IMPDH2: variants seen among roughly 807,000 people sequenced by gnomAD.
IMPDH2 encodes the protein inosine-5'-monophosphate dehydrogenase 2.
In IMPDH2, 33 loss-of-function variants were observed where a neutral mutation model predicts 57.8. The observed-to-expected ratio is 0.57, with a 90% CI of 0.43 to 0.76. IMPDH2 has a LOEUF of 0.76. Among genes scored for constraint, IMPDH2 ranks in the 30% least tolerant of loss-of-function variants. The pLI is 0.00. For synonymous variants in IMPDH2, 270 were observed against 241.3 expected, an observed-to-expected ratio of 1.12 and a Z score of -1.10; for missense variants, 446 against 659.1, an observed-to-expected ratio of 0.68 and a Z score of 3.54.
At position 49,026,646 on chromosome 3, in the gene IMPDH2, A is replaced by C. The variant is rs761501634; in HGVS notation, c.820-37T>G. 10 of 1,611,988 alleles carry C rather than the reference A, an allele frequency of 6.2e-6. No individual in the cohort carries two copies. The South Asian group carries it at 9.9e-5, about 16-fold the overall frequency. On this transcript the variant is annotated intron_variant, in intron 7 of 13. Coordinates refer to ENST00000326739, the MANE Select transcript of IMPDH2 (RefSeq NM_000884.3). ...AGTAAGTCTCAGACTGTGATGTGGC[A>C]GCTGCCCCTATTGCCCCAACCCACC... is the stretch of plus-strand genomic sequence containing the variant.
chr3:49,027,956 C>T (rs1281400213), intron 4 of IMPDH2, 40 bp from the exon 5 acceptor site: 3 of 1,449,016 alleles, frequency 2.1e-6, no homozygotes, highest in Non-Finnish European at 2.9e-6. Context: ...CATCTTTGAA[C>T]TACTTTCATC....
At chr3:49,026,923 C>G (rs1272648756) in intron 6 of IMPDH2, 37 bp from the exon 7 acceptor site, 1 of 1,613,224 alleles carries the variant, frequency 6.2e-7, no homozygotes, top group Non-Finnish European at 8.5e-7. Flanking sequence ...GGACCCTAGG[C>G]ATTAGTTCCA....
Position 49,025,182 on chromosome 3 carries a change from C to T in IMPDH2, c.1094G>A (p.Gly365Glu). Residue 365 changes from glycine to glutamate, a missense_variant, in exon 10 of 14, where the codon GGA becomes GAA. Physicochemically the swap from Gly to Glu is moderately conservative, Grantham distance 98. Coordinates refer to ENST00000326739, the MANE Select transcript of IMPDH2 (RefSeq NM_000884.3). ...RRFGVPVIAD[G>E]GIQNVGHIAK... ...AATATGACCCACATTTTGGATTCCT[C>T]CATCAGCAATGACCGGAACACCAAA... The T allele has an allele frequency of 2.5e-6, 4 of 1,614,246 alleles. No homozygotes were observed. Among genetic ancestry groups the T allele is most frequent in the Non-Finnish European group, 2.5e-6 (3 of 1,180,046 alleles).
At chr3:49,025,466 A>AC (rs2093194315) in intron 9 of IMPDH2, 197 bp from the exon 10 acceptor site, 2 of 610,726 alleles carry the variant, frequency 3.3e-6, no homozygotes, top group Non-Finnish European at 5.8e-6. Flanking sequence ...ACCTCTACTC[A>AC]CCCCCACATG....
In IMPDH2 at chr3:49,028,839, C is replaced by A. The variant is rs750206525; in HGVS notation, c.99-33G>T. The A allele has an allele frequency of 7.6e-6, 12 of 1,587,474 alleles. No homozygotes were observed. In the African/African-American group the frequency reaches 9.4e-5, roughly 12 times the overall value. On this transcript the variant is annotated intron_variant, in intron 1 of 13. Coordinates refer to ENST00000326739, the MANE Select transcript of IMPDH2 (RefSeq NM_000884.3). ...GGAAGGGAGTGAATTGGGAGTAAAG[C>A]TCTCAGCTTAGGGCAGCATGAGACT... is the stretch of plus-strand genomic sequence containing the variant.
rs2093192858 is a variant in IMPDH2 at position 49,025,181 on chromosome 3, T to G, written c.1095A>C (p.Gly365=). ...CAATATGACCCACATTTTGGATTCC[T>G]CCATCAGCAATGACCGGAACACCAA... ...RRFGVPVIAD[G]GIQNVGHIAK... The change falls in exon 10 of 14, where the codon GGA becomes GGC. Residue 365 remains glycine, a synonymous_variant. Transcript: ENST00000326739. 1 of 1,614,194 alleles carries G rather than the reference T, an allele frequency of 6.2e-7. No individual in the cohort carries two copies. Among genetic ancestry groups the G allele is most frequent in the Non-Finnish European group, 8.5e-7 (1 of 1,180,024 alleles).
At position 49,029,261 on chromosome 3, in the gene IMPDH2, G is replaced by A; in HGVS notation, c.90C>T (p.Leu30=). ...GCCCCATAGGCCCGCACTTGTAGGT[G>A]AGGCCGTCTCCGCAGTTGAAGAGCT... is the stretch of plus-strand genomic sequence containing the variant. ...AQQLFNCGDG[L]TYNDFLILPG... Residue 30 remains leucine (L), a synonymous_variant, in exon 1 of 14, where the codon CTC becomes CTT. Coordinates refer to ENST00000326739, the MANE Select transcript of IMPDH2 (RefSeq NM_000884.3). The A allele has an allele frequency of 2.5e-6, 4 of 1,603,182 alleles. No homozygotes were observed. Among genetic ancestry groups the A allele is most frequent in the South Asian group, 2.2e-5 (2 of 89,374 alleles).
Position 49,024,375 on chromosome 3 carries a change from A to T in IMPDH2, c.*8T>A. 1 of 1,613,962 alleles carries T rather than the reference A, an allele frequency of 6.2e-7. No individual in the cohort carries two copies. The highest frequency in any genetic ancestry group is 1.1e-5 in the South Asian group (1 of 91,072). On this transcript the variant is annotated 3_prime_UTR_variant, in exon 14 of 14. Coordinates refer to ENST00000326739, the MANE Select transcript of IMPDH2 (RefSeq NM_000884.3). Reference sequence around the variant, plus strand: ...AAAAAAAACCGAGGAGGTGTGCTGGATCCCTTTTCAGAAAAGCCGCTTCTC... The same window carrying T: ...AAAAAAAACCGAGGAGGTGTGCTGGTTCCCTTTTCAGAAAAGCCGCTTCTC...
chr3:49,028,833 G>C, intron 1 of IMPDH2, 27 bp from the exon 2 acceptor site: 1 of 1,600,678 alleles, frequency 6.2e-7, no homozygotes, highest in African/African-American at 1.3e-5. Flanking sequence ...TGAATTGGGA[G>C]TAAAGCTCTC....
chr3:49,026,746 C>T lies in IMPDH2; in HGVS notation c.760G>A (p.Glu254Lys). The change falls in exon 7 of 14, where the codon GAG becomes AAG. Residue 254 changes from glutamate to lysine, a missense_variant. By Grantham distance (56) the Glu-to-Lys change is moderately conservative (BLOSUM62 1). Coordinates refer to ENST00000326739, the MANE Select transcript of IMPDH2 (RefSeq NM_000884.3). ...LLCGAAIGTH[E>K]DDKYRLDLLA... ...AAGTCCAGCCTATACTTGTCATCCTCATGAGTGCCAATGGCTGCCCCACAC... is the reference window on the plus strand; with the variant it reads ...AAGTCCAGCCTATACTTGTCATCCTTATGAGTGCCAATGGCTGCCCCACAC... The T allele has an allele frequency of 6.2e-7, 1 of 1,614,256 alleles. No individual in the cohort carries two copies. The highest frequency in any genetic ancestry group is 1.1e-5 in the South Asian group (1 of 91,084).
rs779408247 is a variant in IMPDH2, at chr3:49,028,284, T to A, written c.288A>T (p.Thr96=). The A allele has an allele frequency of 6.2e-7, 1 of 1,614,174 alleles. No individual in the cohort carries two copies. Among genetic ancestry groups the A allele is most frequent in the South Asian group, 1.1e-5 (1 of 91,086 alleles). Residue 96 remains threonine (T), a synonymous_variant, in exon 4 of 14, where the codon ACA becomes ACT. Transcript: ENST00000326739. ...GAACTTCATTGGCCTGGAATTCAGG[T>A]GTACAGTTGTGGTGGATGAAGCCAA... ...GGIGFIHHNC[T]PEFQANEVRK... is the part of the protein sequence containing the mutation.
At chr3:49,028,919 C>G (rs1175998304) in intron 1 of IMPDH2, 113 bp from the exon 2 acceptor site, 1 of 868,836 alleles carries the variant, frequency 1.2e-6, no homozygotes, top group Non-Finnish European at 1.9e-6. Context: ...GTGGCACTGA[C>G]AGAGTCTGTG....
Position 49,024,330 on chromosome 3 carries a change from T to C in IMPDH2, c.*53A>G, listed in dbSNP as rs1458803801. ...GTTGAAAGATCAGGCATCACTTTTTTCTTTCTAAACTTTTATTGAAAAAAA... is the reference window on the plus strand; with the variant it reads ...GTTGAAAGATCAGGCATCACTTTTTCCTTTCTAAACTTTTATTGAAAAAAA... On this transcript the variant is annotated 3_prime_UTR_variant, in exon 14 of 14. Transcript: ENST00000326739. 1.6e-5 allele frequency: 26 copies of C among 1,604,196 alleles called. No individual in the cohort carries two copies. Among genetic ancestry groups the C allele is most frequent in the Non-Finnish European group, 2.0e-5 (24 of 1,171,744 alleles).
Position 49,027,048 on chromosome 3 carries a change from C to G in IMPDH2, c.532-1G>C, listed in dbSNP as rs2093202629. The G allele has an allele frequency of 6.2e-7, 1 of 1,609,568 alleles. No individual in the cohort carries two copies. Among genetic ancestry groups the G allele is most frequent in the African/African-American group, 1.3e-5 (1 of 74,858 alleles). On this transcript the variant is annotated splice_acceptor_variant, in intron 5 of 13. Coordinates refer to ENST00000326739, the MANE Select transcript of IMPDH2 (RefSeq NM_000884.3). LOFTEE classifies it high-confidence loss of function. The stretch of plus-strand genomic sequence containing the variant: ...CCAAGTCTTCCCTCTTTGTCATTAT[C>G]TACGTGGGAGGTGAGATGTGAAGAA...
In IMPDH2 at chr3:49,029,374, T is replaced by G; in HGVS notation, c.-24A>C. ...ATGGCCAACACAGGACACCGCCGCG[T>G]GTCTCCGAGGACCGCGCCGCAGAGA... On this transcript the variant is annotated 5_prime_UTR_variant, in exon 1 of 14. Transcript: ENST00000326739. 1 of 1,515,364 alleles carries G rather than the reference T, an allele frequency of 6.6e-7. No individual in the cohort carries two copies. The highest frequency in any genetic ancestry group is 1.2e-5 in the South Asian group (1 of 85,244). The allele number at this position is 1,515,364 out of a possible 1,614,324, so 93.9% of individuals were successfully genotyped here. A position where few individuals can be genotyped will look rare whatever the true frequency, so the allele number is the denominator to read the frequency against.
At chr3:49,028,144 G>C in intron 4 of IMPDH2, 104 bp downstream of exon 4, 1 of 1,027,302 alleles carries the variant, frequency 9.7e-7, no homozygotes, top group Non-Finnish European at 1.5e-6. Context: ...TGAACCCCAT[G>C]GTGGGAAGAA....
At chr3:49,024,455 G>A (rs1477109948) in intron 13 of IMPDH2, 40 bp downstream of exon 13, 22 of 1,613,994 alleles carry the variant, frequency 1.4e-5, no homozygotes, top group Non-Finnish European at 1.8e-5. Context: ...AAGGAGGCAT[G>A]AGGTATGGCA....
At chr3:49,025,403 G>T in intron 9 of IMPDH2, 134 bp from the exon 10 acceptor site, 2 of 904,500 alleles carry the variant, frequency 2.2e-6, no homozygotes, top group Non-Finnish European at 3.5e-6. Flanking sequence ...GAACAGACGT[G>T]TCTGGGATGG....
intron 1 of IMPDH2, chr3:49,029,008 C>A (rs1366032670): frequency 3.1e-6 from 2 of 650,216 alleles, no homozygotes; most frequent in East Asian, 2.7e-5. Context: ...GCTCCTGGCA[C>A]CCTGACAATT....
Sources: gnomAD v4.1 joint callset for allele counts on GRCh38, gnomAD v4.1.1 for gene constraint, MANE v1.5 for transcripts, NCBI Gene and HGNC (gene_info 2026-07-23, HGNC 2026-07-21) for gene names.